Variants in GAREM1 observed in about 807,000 individuals in gnomAD.
GAREM1 encodes GRB2 associated regulator of MAPK1 subtype 1, also known as GRB2-associated and regulator of MAPK protein 1.
GAREM1 carries 26 observed loss-of-function variants against 71.3 expected under a neutral mutation model. That is an observed-to-expected ratio of 0.36 (90% CI 0.27 to 0.51). The LOEUF (loss-of-function observed/expected upper bound fraction) is 0.51, where lower values mean the gene tolerates loss of function less well. Ranked by LOEUF, GAREM1 falls within the 20% of genes least tolerant of loss-of-function variation. GAREM1 has a pLI of 0.95. For missense variants in GAREM1, 1,026 were observed against 1,103.1 expected (o/e 0.93, Z 0.99); for synonymous variants, 440 against 433.2 (o/e 1.02, Z -0.20).
In GAREM1 at chr18:32,332,921, C is replaced by A. The variant is rs567948780; in HGVS notation, c.263-22598G>T. Among the ~76,000 whole-genome samples, 140 of 151,712 alleles carry A rather than the reference C, an allele frequency of 9.2e-4. 1 individual carries two copies. The highest frequency in any genetic ancestry group is 3.4e-3 in the Middle Eastern group (1 of 294). On this transcript the variant is annotated intron_variant, in intron 2 of 5. Coordinates refer to ENST00000269209, the MANE Select transcript of GAREM1 (RefSeq NM_001242409.2). The stretch of plus-strand genomic sequence containing the variant: ...CAGTGGCCAATATAGTGGCCTAGGA[C>A]ATGGATTGAAATGACAATGACAAAA...
At chr18:32,321,457 T>C (rs1443689096) in intron 2 of GAREM1, among the ~76,000 whole-genome samples, 1 of 152,190 alleles carries the variant, frequency 6.6e-6, no homozygotes, top group Non-Finnish European at 1.5e-5. Flanking sequence ...AACTCCTCTA[T>C]CATCCTGGCT....
intron 3 of GAREM1, among the ~76,000 whole-genome samples, chr18:32,297,777 C>T (rs910654700): frequency 1.3e-5 from 2 of 152,202 alleles, no homozygotes; most frequent in African/African-American, 4.8e-5. Context: ...CACTGCTATA[C>T]TTCCTTTTTA....
At chr18:32,342,855 C>A (rs2047660263) in intron 2 of GAREM1, among the ~76,000 whole-genome samples, 1 of 152,192 alleles carries the variant, frequency 6.6e-6, no homozygotes, top group Admixed American at 6.5e-5. Context: ...GTACCATGCC[C>A]ACCGACCCAC....
chr18:32,355,281 C>G (rs1409736534), intron 2 of GAREM1, among the ~76,000 whole-genome samples: 2 of 152,092 alleles, frequency 1.3e-5, no homozygotes, highest in Non-Finnish European at 2.9e-5. Context: ...ATTTAAAAAA[C>G]AACTCACAAA....
chr18:32,329,750 G>A (rs191245458), intron 2 of GAREM1, among the ~76,000 whole-genome samples: 107 of 133,392 alleles, frequency 8.0e-4, no homozygotes, highest in African/African-American at 2.9e-3. Flanking sequence ...AAAAAAATAA[G>A]TTCCTGATGT....
At chr18:32,371,016 G>A (rs2047972946) in intron 2 of GAREM1, among the ~76,000 whole-genome samples, 1 of 152,150 alleles carries the variant, frequency 6.6e-6, no homozygotes, top group African/African-American at 2.4e-5. Flanking sequence ...AAACAACAAT[G>A]ACAAATGTGG....
intron 1 of GAREM1, among the ~76,000 whole-genome samples, chr18:32,460,668 T>C (rs1028276224): frequency 8.5e-5 from 13 of 152,228 alleles, no homozygotes; most frequent in African/African-American, 3.1e-4. Context: ...CGTAGTTTTG[T>C]AACATTATTT....
chr18:32,274,965 A>G (rs2041518676), intron 4 of GAREM1, among the ~76,000 whole-genome samples: 1 of 152,136 alleles, frequency 6.6e-6, no homozygotes. Flanking sequence ...ATACAAAAAA[A>G]AAAAAAGGCA....
chr18:32,392,786 C>T (rs1195951970), intron 2 of GAREM1, 109 bp downstream of exon 2: 7 of 1,204,834 alleles, frequency 5.8e-6, no homozygotes, highest in Non-Finnish European at 8.2e-6. Context: ...ATGTTTGATT[C>T]TCTAAGTCAT....
chr18:32,452,074 A>T (rs909998442), intron 1 of GAREM1, among the ~76,000 whole-genome samples: 1 of 152,182 alleles, frequency 6.6e-6, no homozygotes, highest in Non-Finnish European at 1.5e-5. Context: ...TGAGAAGGAG[A>T]AGAGATGGAG....
intron 2 of GAREM1, among the ~76,000 whole-genome samples, chr18:32,356,490 ATTAT>A (rs1267884160): frequency 1.3e-5 from 2 of 152,204 alleles, no homozygotes; most frequent in Non-Finnish European, 2.9e-5. Flanking sequence ...CAATAGGTTA[ATTAT>A]TTATTATTCT....
chr18:32,268,014 T>A lies in GAREM1; in HGVS notation c.2488A>T (p.Ile830Leu). 1 of 1,614,126 alleles carries A rather than the reference T, an allele frequency of 6.2e-7. No individual in the cohort carries two copies. The highest frequency in any genetic ancestry group is 1.1e-5 in the South Asian group (1 of 91,080). Residue 830 changes from isoleucine (I) to leucine (L), a missense_variant, in exon 6 of 6, where the codon ATA (isoleucine) becomes TTA (leucine). By Grantham distance (5) the Ile-to-Leu change is conservative. This residue lies in a region of GAREM1 where 636 missense variants were observed against 631.2 expected (regional missense o/e 1.01). Transcript: ENST00000269209. The stretch of plus-strand genomic sequence containing the variant: ...ATCTTTTCAGTAACAAAGAATGATA[T>A]GACATCTTCGGACAAACCAATGAAC... ...LRFIGLSEDV[I>L]SFFVTEKIDG...
At chr18:32,382,517 TCTG>T (rs2048107101) in intron 2 of GAREM1, among the ~76,000 whole-genome samples, 1 of 152,052 alleles carries the variant, frequency 6.6e-6, no homozygotes, top group Non-Finnish European at 1.5e-5. Context: ...TGCTGGGTTG[TCTG>T]CTGGAGGATG....
intron 2 of GAREM1, among the ~76,000 whole-genome samples, chr18:32,330,084 T>C (rs769296471): frequency 6.6e-6 from 1 of 152,080 alleles, no homozygotes; most frequent in African/African-American, 2.4e-5. Flanking sequence ...CTACTCACAA[T>C]AGCAAAGATA....
chr18:32,307,687 T>G (rs2047270045), intron 3 of GAREM1, among the ~76,000 whole-genome samples: 1 of 152,034 alleles, frequency 6.6e-6, no homozygotes, highest in Admixed American at 6.6e-5. Flanking sequence ...CCAGCCCAAC[T>G]AATTTTTGTA....
intron 1 of GAREM1, among the ~76,000 whole-genome samples, chr18:32,459,750 G>A (rs2048934012): frequency 1.3e-5 from 2 of 152,072 alleles, no homozygotes; most frequent in African/African-American, 2.4e-5. Flanking sequence ...GACCAGAAAT[G>A]ACAATGTTAG....
intron 1 of GAREM1, among the ~76,000 whole-genome samples, chr18:32,401,682 G>C (rs1421556889): frequency 6.6e-6 from 1 of 152,156 alleles, no homozygotes; most frequent in Admixed American, 6.5e-5. Flanking sequence ...GGAGAAGAGA[G>C]AAACCAGAGC....
intron 1 of GAREM1, among the ~76,000 whole-genome samples, chr18:32,444,209 C>CT (rs1432107144): frequency 3.3e-5 from 5 of 152,170 alleles, no homozygotes; most frequent in African/African-American, 1.2e-4. Flanking sequence ...TTGCACAACT[C>CT]TGAATATACT....
chr18:32,276,063 G>A (rs2041538641), intron 4 of GAREM1, among the ~76,000 whole-genome samples: 1 of 152,132 alleles, frequency 6.6e-6, no homozygotes, highest in Non-Finnish European at 1.5e-5. Flanking sequence ...AAGTCTCCTT[G>A]GTATTCACAT....
Sources: gnomAD v4.1 joint callset for allele counts (sites outside exome capture counted in the v4.1 genomes callset) on GRCh38, gnomAD v4.1.1 for gene constraint, gnomAD v4.1.1 regional missense constraint, MANE v1.5 for transcripts, NCBI Gene and HGNC (gene_info 2026-07-23, HGNC 2026-07-21) for gene names.